PAX5: variants seen among roughly 807,000 people sequenced by gnomAD.
PAX5 encodes the protein paired box 5, also known as paired box protein Pax-5.
Under a neutral mutation model 43.7 loss-of-function variants are expected in PAX5, and 9 were observed. That is an observed-to-expected ratio of 0.21 (90% CI 0.12 to 0.36). The LOEUF is 0.36. Ranked by LOEUF, PAX5 falls within the 10% of genes least tolerant of loss-of-function variation. The pLI is 1.00. For synonymous variants in PAX5, 228 were observed against 214.3 expected (o/e 1.06, Z -0.56); for missense variants, 383 against 532.7 (o/e 0.72, Z 2.77).
intron 1 of PAX5, among the ~76,000 whole-genome samples, chr9:37,031,698 G>A (rs1841008178): frequency 6.6e-6 from 1 of 151,778 alleles, no homozygotes; most frequent in South Asian, 2.1e-4. Context: ...GAACCTCTGA[G>A]TTTCCTTTCC....
intron 6 of PAX5, among the ~76,000 whole-genome samples, chr9:36,942,063 G>A (rs1794384645): frequency 6.6e-6 from 1 of 152,262 alleles, no homozygotes; most frequent in African/African-American, 2.4e-5. Context: ...TACCCTGGCA[G>A]TGTGCCCAGG....
At chr9:36,894,241 T>G (rs1827663781) in intron 7 of PAX5, among the ~76,000 whole-genome samples, 1 of 152,182 alleles carries the variant, frequency 6.6e-6, no homozygotes, top group African/African-American at 2.4e-5. Context: ...CTGGCAGTAT[T>G]CCCATCACAT....
rs1345753022 is a variant in PAX5, at chr9:36,974,688, A to T, written c.605-7964T>A. Among the ~76,000 whole-genome samples, 3 of 152,306 alleles carry T rather than the reference A, an allele frequency of 2.0e-5. No homozygotes were observed. The East Asian group carries it at 5.8e-4, about 29-fold the overall frequency. On this transcript the variant is annotated intron_variant, in intron 5 of 9. Coordinates refer to ENST00000358127, the MANE Select transcript of PAX5 (RefSeq NM_016734.3). ...CAGGACAATTCGTGGGGCTTTTATA[A>T]GGATTAAATGAGATAATCTCCATGA... is the stretch of plus-strand genomic sequence containing the variant.
intron 8 of PAX5, among the ~76,000 whole-genome samples, chr9:36,879,387 G>C (rs909846020): frequency 6.6e-6 from 1 of 152,226 alleles, no homozygotes; most frequent in Non-Finnish European, 1.5e-5. Context: ...GGTTTCCAGT[G>C]GGGGGCTGAG....
intron 8 of PAX5, among the ~76,000 whole-genome samples, chr9:36,856,195 T>A (rs2131627094): frequency 6.6e-6 from 1 of 152,354 alleles, no homozygotes; most frequent in South Asian, 2.1e-4. Context: ...CAGATGTTCC[T>A]TGAGCCAGCC....
chr9:36,983,525 G>A (rs1836118705), intron 5 of PAX5, among the ~76,000 whole-genome samples: 2 of 152,294 alleles, frequency 1.3e-5, no homozygotes, highest in Admixed American at 6.5e-5. Flanking sequence ...ATGTGTATGA[G>A]TGGATTCTAT....
rs138009049 is a variant in PAX5 at position 36,952,234 on chromosome 9, C to CTTTTTTTT, written c.780+14307_780+14314dup. Among the ~76,000 whole-genome samples, 160 of 66,666 alleles carry CTTTTTTTT rather than the reference C, an allele frequency of 2.4e-3. 19 individuals carry two copies. Among genetic ancestry groups the CTTTTTTTT allele is most frequent in the African/African-American group, 4.9e-3 (78 of 15,926 alleles). 43.7% of individuals were successfully genotyped at this position (66,666 alleles called of 152,430 possible). A position where few individuals can be genotyped will look rare whatever the true frequency, so the allele number is the denominator to read the frequency against. On this transcript the variant is annotated intron_variant, in intron 6 of 9. Transcript: ENST00000358127. ...TTTTTAATATGCTCTGACCATCTCC[C>CTTTTTTTT]TTTTTTTTTTTTTTTTTTTTTTTGA...
At chr9:37,020,182 A>C (rs1045897479) in intron 2 of PAX5, among the ~76,000 whole-genome samples, 1 of 152,138 alleles carries the variant, frequency 6.6e-6, no homozygotes, top group Non-Finnish European at 1.5e-5. Context: ...GAGAAGGAAA[A>C]TACTGCAGCC....
chr9:36,840,751 C>A, intron 9 of PAX5, 115 bp from the exon 10 acceptor site: 1 of 655,456 alleles, frequency 1.5e-6, no homozygotes, highest in Non-Finnish European at 2.6e-6. Context: ...CCTCTCTCAC[C>A]AAGATCTCTG....
In PAX5 at chr9:36,991,943, A is replaced by T. The variant is rs73438943; in HGVS notation, c.604+10705T>A. Among the ~76,000 whole-genome samples the T allele has an allele frequency of 5.7e-3, 873 of 151,944 alleles. 11 individuals are homozygous for T. Among genetic ancestry groups the T allele is most frequent in the African/African-American group, 0.02 (835 of 41,402 alleles). ...ACCTTTTATCCTTCTTCCTCTCTCA[A>T]TTTTTCTCAAATTACCTTAAGACAT... On this transcript the variant is annotated intron_variant, in intron 5 of 9. Transcript: ENST00000358127.
At chr9:36,879,862 C>T (rs879704433) in intron 8 of PAX5, among the ~76,000 whole-genome samples, 2 of 152,098 alleles carry the variant, frequency 1.3e-5, no homozygotes, top group African/African-American at 2.4e-5. Context: ...GCCGGTGGGG[C>T]GGGGCAAGGG....
intron 7 of PAX5, among the ~76,000 whole-genome samples, chr9:36,887,601 T>C (rs1322051891): frequency 6.6e-6 from 1 of 152,224 alleles, no homozygotes; most frequent in Non-Finnish European, 1.5e-5. Flanking sequence ...TTTCTAACTA[T>C]GATTTGAAAC....
intron 5 of PAX5, 115 bp from the exon 6 acceptor site, chr9:36,966,839 G>C: frequency 1.1e-6 from 1 of 891,016 alleles, no homozygotes; most frequent in Non-Finnish European, 1.7e-6. Flanking sequence ...TCCCTGACCA[G>C]AGAATACACC....
chr9:36,979,171 T>A (rs1004056098), intron 5 of PAX5, among the ~76,000 whole-genome samples: 4 of 152,210 alleles, frequency 2.6e-5, no homozygotes, highest in African/African-American at 9.7e-5. Context: ...CGACTCCTCT[T>A]GGATACACAG....
intron 6 of PAX5, among the ~76,000 whole-genome samples, chr9:36,923,982 A>T (rs767195531): frequency 6.6e-6 from 1 of 152,222 alleles, no homozygotes; most frequent in Non-Finnish European, 1.5e-5. Context: ...CATTTCACAG[A>T]TGAATAAACT....
intron 5 of PAX5, among the ~76,000 whole-genome samples, chr9:36,979,503 G>C (rs527776776): frequency 6.6e-6 from 1 of 152,088 alleles, no homozygotes; most frequent in Non-Finnish European, 1.5e-5. Flanking sequence ...GATAACAATC[G>C]CACCCCTCAA....
At chr9:36,858,413 C>G (rs560439932) in intron 8 of PAX5, among the ~76,000 whole-genome samples, 29 of 152,326 alleles carry the variant, frequency 1.9e-4, no homozygotes, top group Middle Eastern at 3.4e-3. Flanking sequence ...TTCACTTAGC[C>G]TCAGTTTCCC....
rs1331267076 is a variant in PAX5, at chr9:36,930,215, CCTT to C, written c.781-6734_781-6732del. On this transcript the variant is annotated intron_variant, in intron 6 of 9. Coordinates refer to ENST00000358127, the MANE Select transcript of PAX5 (RefSeq NM_016734.3). ...GAGGTACAGGGATAGGGATGGATGT[CCTT>C]TTTTTTTTTTTTTTTTTTTTTTTGA... Among the ~76,000 whole-genome samples the C allele has an allele frequency of 2.4e-5, 3 of 127,456 alleles. No individual in the cohort carries two copies. The Admixed American group carries it at 2.7e-4, about 11-fold the overall frequency. The allele number at this position is 127,456 out of a possible 152,430, so 83.6% of individuals were successfully genotyped here. A position where few individuals can be genotyped will look rare whatever the true frequency, so the allele number is the denominator to read the frequency against.
At chr9:37,024,936 C>T (rs1442370611) in intron 1 of PAX5, among the ~76,000 whole-genome samples, 1 of 152,184 alleles carries the variant, frequency 6.6e-6, no homozygotes, top group Non-Finnish European at 1.5e-5. Context: ...CCCCATCTGT[C>T]CCCACAGTTG....
Sources: allele counts gnomAD v4.1 joint callset (sites outside exome capture counted in the v4.1 genomes callset), GRCh38; gene constraint gnomAD v4.1.1; transcripts MANE v1.5; gene names NCBI Gene and HGNC (gene_info 2026-07-23, HGNC 2026-07-21).